The following COL23A1 variants were observed in gnomAD, a reference collection of about 807,000 sequenced individuals.
COL23A1 encodes collagen type XXIII alpha 1 chain.
In COL23A1, 97 loss-of-function variants were observed where a neutral mutation model predicts 99.3. The observed-to-expected ratio is 0.98, with a 90% CI of 0.83 to 1.16. The LOEUF is 1.16. COL23A1 is among the 50% of genes most tolerant of loss of function. COL23A1 has a pLI of 0.00. For synonymous variants in COL23A1, 320 were observed against 308.2 expected (o/e 1.04, Z -0.40); for missense variants, 762 against 757.4 (o/e 1.01, Z -0.07).
At chr5:178,252,196 G>A (rs1172669012) in intron 17 of COL23A1, among the ~76,000 whole-genome samples, 1 of 152,052 alleles carries the variant, frequency 6.6e-6, no homozygotes, top group Non-Finnish European at 1.5e-5. Context: ...ATTTACAGGT[G>A]TGAGCCACCA....
chr5:178,499,758 C>G (rs1758420919), intron 2 of COL23A1, among the ~76,000 whole-genome samples: 1 of 152,206 alleles, frequency 6.6e-6, no homozygotes, highest in Non-Finnish European at 1.5e-5. Flanking sequence ...AAGAATGTTC[C>G]TAGCAGCCTT....
At chr5:178,285,114 C>G (rs1029490612) in intron 5 of COL23A1, among the ~76,000 whole-genome samples, 2 of 152,206 alleles carry the variant, frequency 1.3e-5, no homozygotes, top group African/African-American at 4.8e-5. Flanking sequence ...GGGCCCTTGT[C>G]GGCTCTGACT....
chr5:178,241,924 T>C (rs1764421754), intron 27 of COL23A1, 118 bp downstream of exon 27: 3 of 730,788 alleles, frequency 4.1e-6, no homozygotes, highest in Non-Finnish European at 6.9e-6. Context: ...GGAAGGCCAG[T>C]GCGTGACCAG....
intron 2 of COL23A1, among the ~76,000 whole-genome samples, chr5:178,324,499 C>T (rs72820933): frequency 0.086 from 13,026 of 152,158 alleles, 611 homozygotes; most frequent in Middle Eastern, 0.15. Context: ...ACCGCTGCTG[C>T]GTGGGGTGTG....
intron 1 of COL23A1, among the ~76,000 whole-genome samples, chr5:178,570,321 A>G (rs1338730403): frequency 1.3e-5 from 2 of 151,952 alleles, no homozygotes; most frequent in East Asian, 3.9e-4. Flanking sequence ...GTTGCCCAAA[A>G]TGATCTCAAA....
chr5:178,517,111 C>T (rs1238959081), intron 2 of COL23A1, among the ~76,000 whole-genome samples: 1 of 152,198 alleles, frequency 6.6e-6, no homozygotes, highest in East Asian at 1.9e-4. Context: ...AGCCAAGAAA[C>T]AGACAGAAGT....
At chr5:178,557,123 G>A (rs1449043573) in intron 2 of COL23A1, among the ~76,000 whole-genome samples, 2 of 152,274 alleles carry the variant, frequency 1.3e-5, no homozygotes, top group South Asian at 4.1e-4. Context: ...CCATAGCTCT[G>A]GTGGCTGCAG....
intron 2 of COL23A1, among the ~76,000 whole-genome samples, chr5:178,532,470 C>A (rs976309260): frequency 2.0e-5 from 3 of 152,138 alleles, no homozygotes; most frequent in African/African-American, 7.2e-5. Flanking sequence ...TCAGCCGAGC[C>A]CCGAGAAGAT....
Position 178,280,911 on chromosome 5 carries a change from C to T in COL23A1, c.441+7413G>A, listed in dbSNP as rs1756863512. Among the ~76,000 whole-genome samples, 1 of 152,188 alleles carries T rather than the reference C, an allele frequency of 6.6e-6. No homozygotes were observed. Among genetic ancestry groups the T allele is most frequent in the Non-Finnish European group, 1.5e-5 (1 of 68,026 alleles). Reference sequence around the variant, plus strand: ...GAGCAGCAGCTCGGGCCCCACTGACCTGGGGTGGCCGCCTCCTGTGAATGG... The same window carrying T: ...GAGCAGCAGCTCGGGCCCCACTGACTTGGGGTGGCCGCCTCCTGTGAATGG... On this transcript the variant is annotated intron_variant, in intron 5 of 28. Coordinates refer to ENST00000390654, the MANE Select transcript of COL23A1 (RefSeq NM_173465.4). This position sits in a 1 kb window ranked among gnomAD's most constrained non-coding sequence, Gnocchi z 4.9.
chr5:178,545,894 C>T (rs1211371367), intron 2 of COL23A1, among the ~76,000 whole-genome samples: 2 of 152,192 alleles, frequency 1.3e-5, no homozygotes, highest in Non-Finnish European at 1.5e-5. Flanking sequence ...AGTTTATCCT[C>T]AAAACAAACC....
chr5:178,552,910 A>G (rs116652085), intron 2 of COL23A1, among the ~76,000 whole-genome samples: 2,779 of 151,520 alleles, frequency 0.018, 29 homozygotes, highest in Non-Finnish European at 0.03. Context: ...GGATTTCACC[A>G]TGTTGGCCAG....
chr5:178,459,155 G>A (rs1755973368), intron 2 of COL23A1, among the ~76,000 whole-genome samples: 2 of 152,166 alleles, frequency 1.3e-5, no homozygotes, highest in Non-Finnish European at 2.9e-5. Context: ...AACAGTTGGG[G>A]AACTTGCACA....
At chr5:178,257,591 TG>T in intron 12 of COL23A1, 24 bp from the exon 13 acceptor site, 1 of 1,552,400 alleles carries the variant, frequency 6.4e-7, no homozygotes. Context: ...ACCTGGGGCT[TG>T]CCGGTCAGAC....
At chr5:178,450,618 C>A (rs1767435059) in intron 2 of COL23A1, among the ~76,000 whole-genome samples, 1 of 152,222 alleles carries the variant, frequency 6.6e-6, no homozygotes, top group African/African-American at 2.4e-5. Flanking sequence ...AGGTCTCTGT[C>A]ATAGCAGCCC....
At chr5:178,432,754 TG>T (rs111857288) in intron 2 of COL23A1, among the ~76,000 whole-genome samples, 14,924 of 152,132 alleles carry the variant, frequency 0.098, 920 homozygotes, top group Middle Eastern at 0.2. Flanking sequence ...GGCCCAGCCC[TG>T]GGACAGTCGT....
Position 178,558,285 on chromosome 5 carries a change from C to T in COL23A1, c.361+2397G>A, listed in dbSNP as rs139326588. 3.5e-3 allele frequency among the ~76,000 whole-genome samples: 526 copies of T among 152,078 alleles called. 8 individuals carry two copies. Among genetic ancestry groups the T allele is most frequent in the African/African-American group, 0.012 (494 of 41,508 alleles). Reference sequence around the variant, plus strand: ...TAACCTCAGAAAGCCCCCCAGAGCCCGCTTCAAGATGTTATCATTTACTGA... The same window carrying T: ...TAACCTCAGAAAGCCCCCCAGAGCCTGCTTCAAGATGTTATCATTTACTGA... On this transcript the variant is annotated intron_variant, in intron 2 of 28. Coordinates refer to ENST00000390654, the MANE Select transcript of COL23A1 (RefSeq NM_173465.4).
chr5:178,482,951 A>G (rs1757421234), intron 2 of COL23A1, among the ~76,000 whole-genome samples: 1 of 152,152 alleles, frequency 6.6e-6, no homozygotes. Context: ...GCCTGCCTGT[A>G]GTCCCAGCTA....
chr5:178,518,096 C>T (rs1759661677), intron 2 of COL23A1, among the ~76,000 whole-genome samples: 1 of 127,690 alleles, frequency 7.8e-6, no homozygotes, highest in African/African-American at 3.4e-5. Context: ...TTGGTGATGA[C>T]TCTTAAGGAG....
chr5:178,461,210 C>T (rs775218422), intron 2 of COL23A1, among the ~76,000 whole-genome samples: 5 of 152,232 alleles, frequency 3.3e-5, no homozygotes, highest in Non-Finnish European at 5.9e-5. Context: ...AAGGACTCTC[C>T]ACAGGAGCAT....
Sources: gnomAD v4.1 joint callset for allele counts (sites outside exome capture counted in the v4.1 genomes callset) on GRCh38, gnomAD v4.1.1 for gene constraint, Gnocchi (gnomAD v3.1) non-coding constraint, MANE v1.5 for transcripts, NCBI Gene and HGNC (gene_info 2026-07-23, HGNC 2026-07-21) for gene names.